Variants in SH3RF2 observed in about 807,000 individuals in gnomAD.
SH3RF2 encodes E3 ubiquitin-protein ligase SH3RF2.
A neutral mutation model predicts 59.0 loss-of-function variants in SH3RF2; 43 were observed. The ratio of observed to expected loss-of-function variants is 0.73; its 90% CI spans 0.57 to 0.94. The LOEUF (loss-of-function observed/expected upper bound fraction) is 0.94. Ranked by LOEUF, SH3RF2 falls within the 40% of genes least tolerant of loss-of-function variation. The probability of loss-of-function intolerance (pLI) is 0.00; values close to 1 mark genes in which losing one functional copy is unlikely to be tolerated. For synonymous variants in SH3RF2, 391 were observed against 391.5 expected, an observed-to-expected ratio of 1.00 and a Z score of 0.01; for missense variants, 930 against 940.1, an observed-to-expected ratio of 0.99 and a Z score of 0.14.
intron 9 of SH3RF2, among the ~76,000 whole-genome samples, chr5:146,074,856 G>T (rs931840892): frequency 6.6e-6 from 1 of 151,596 alleles, no homozygotes; most frequent in African/African-American, 2.4e-5. Flanking sequence ...CAAAGCCCAG[G>T]CTATAGATTT....
chr5:146,002,407 C>T (rs371609358), intron 3 of SH3RF2, among the ~76,000 whole-genome samples: 4 of 150,972 alleles, frequency 2.6e-5, no homozygotes, highest in Admixed American at 2.0e-4. Flanking sequence ...GCCAAGTTCG[C>T]GCCATTGCAC....
rs187561296 is a variant in SH3RF2 at position 145,994,151 on chromosome 5, T to G, written c.379-5907T>G. On this transcript the variant is annotated intron_variant, in intron 2 of 9. Transcript: ENST00000359120. The stretch of plus-strand genomic sequence containing the variant: ...TGCTGAAACATAACAAGAGTCACCT[T>G]TGCTCCAGTTCCCAACAAGTTTCTC... Among the ~76,000 whole-genome samples the G allele has an allele frequency of 1.6e-3, 243 of 152,310 alleles. 1 individual carries two copies. The highest frequency in any genetic ancestry group is 5.5e-3 in the African/African-American group (230 of 41,566).
intron 4 of SH3RF2, among the ~76,000 whole-genome samples, chr5:146,004,606 TGTG>T (rs1285701867): frequency 6.6e-6 from 1 of 152,116 alleles, no homozygotes; most frequent in Non-Finnish European, 1.5e-5. Flanking sequence ...TTTTTTAAAT[TGTG>T]GTGATGAAAA....
At chr5:145,979,263 G>T (rs193177963) in intron 2 of SH3RF2, among the ~76,000 whole-genome samples, 25 of 152,288 alleles carry the variant, frequency 1.6e-4, no homozygotes, top group Admixed American at 1.0e-3. Context: ...TTGGGGTAGG[G>T]CCCAGCAATT....
Position 145,938,100 on chromosome 5 carries a change from T to C in SH3RF2, c.172T>C (p.Ser58Pro). Residue 58 changes from serine (S) to proline (P), a missense_variant, in exon 2 of 10, where the codon TCC (serine) becomes CCC (proline). Coordinates refer to ENST00000359120, the MANE Select transcript of SH3RF2 (RefSeq NM_152550.4). Reference protein sequence around the residue: ...RCPECRTPVFSNIEALPANLL... With the variant: ...RCPECRTPVFPNIEALPANLL... ...CCCCGAATGCAGGACGCCTGTGTTT[T>C]CCAACATTGAGGCGCTGCCGGCCAA... 1 of 1,614,232 alleles carries C rather than the reference T, an allele frequency of 6.2e-7. No individual in the cohort carries two copies. Among genetic ancestry groups the C allele is most frequent in the Non-Finnish European group, 8.5e-7 (1 of 1,180,042 alleles).
intron 8 of SH3RF2, among the ~76,000 whole-genome samples, chr5:146,057,980 C>CTATATATATATATATATATATA (rs1196213101): frequency 1.4e-4 from 18 of 129,400 alleles, no homozygotes; most frequent in African/African-American, 5.1e-4. Flanking sequence ...ATCTATCTAT[C>CTATATATATATATATATATATA]TATCTATATA....
chr5:146,046,428 A>G (rs1017727990), intron 5 of SH3RF2, among the ~76,000 whole-genome samples: 1 of 151,242 alleles, frequency 6.6e-6, no homozygotes. Flanking sequence ...GCATAGTCCT[A>G]AAAAGGCACA....
chr5:145,940,262 C>T (rs905024013), intron 2 of SH3RF2, among the ~76,000 whole-genome samples: 1 of 152,216 alleles, frequency 6.6e-6, no homozygotes, highest in African/African-American at 2.4e-5. Context: ...GAGAGCAGAG[C>T]TGGCACCCCC....
downstream of SH3RF2, among the ~76,000 whole-genome samples, chr5:146,066,892 G>A (rs2150026842): frequency 6.6e-6 from 1 of 152,248 alleles, no homozygotes; most frequent in South Asian, 2.1e-4. Context: ...CCTTTGCCCC[G>A]TGGTCAGACT....
chr5:146,002,519 AG>A lies in SH3RF2; in HGVS notation c.649-1537del, dbSNP rs1414540122. On this transcript the variant is annotated intron_variant, in intron 3 of 9. Transcript: ENST00000359120. ...AAGGAAGGAAGGAAGGAAGGAAGGA[AG>A]GAAGGAAGGAAGGAAGGATAACCTA... Among the ~76,000 whole-genome samples the A allele has an allele frequency of 1.9e-3, 282 of 150,244 alleles. 5 individuals carry two copies. Among genetic ancestry groups the A allele is most frequent in the African/African-American group, 6.4e-3 (259 of 40,618 alleles).
At chr5:146,070,241 A>G (rs1428063976) in intron 9 of SH3RF2, among the ~76,000 whole-genome samples, 1 of 152,210 alleles carries the variant, frequency 6.6e-6, no homozygotes, top group Non-Finnish European at 1.5e-5. Context: ...CTCAATGGCA[A>G]CTATCAACGT....
At chr5:145,985,070 C>T (rs1248159077) in intron 2 of SH3RF2, among the ~76,000 whole-genome samples, 4 of 152,096 alleles carry the variant, frequency 2.6e-5, no homozygotes, top group Admixed American at 6.5e-5. Context: ...GTGGGAGGAT[C>T]GCTTGAGCCC....
At chr5:145,977,468 G>A (rs1759338395) in intron 2 of SH3RF2, among the ~76,000 whole-genome samples, 1 of 152,182 alleles carries the variant, frequency 6.6e-6, no homozygotes. Context: ...CCCAGCCAAG[G>A]AGATACTCTG....
chr5:146,076,547 A>G (rs1267111364), intron 9 of SH3RF2, among the ~76,000 whole-genome samples: 1 of 152,238 alleles, frequency 6.6e-6, no homozygotes, highest in East Asian at 1.9e-4. Context: ...ATTTATTGAC[A>G]TGGTGAGACG....
At chr5:145,989,945 T>G (rs1385711448) in intron 2 of SH3RF2, among the ~76,000 whole-genome samples, 1 of 152,236 alleles carries the variant, frequency 6.6e-6, no homozygotes, top group Non-Finnish European at 1.5e-5. Context: ...CGTCCTGCTG[T>G]TTCTGAATTT....
intron 2 of SH3RF2, among the ~76,000 whole-genome samples, chr5:145,945,757 A>G (rs1757985491): frequency 6.6e-6 from 1 of 152,184 alleles, no homozygotes; most frequent in Non-Finnish European, 1.5e-5. Context: ...AGGAAGACGC[A>G]TGTCAAGCAT....
chr5:146,048,993 C>G, intron 6 of SH3RF2, 82 bp from the exon 7 acceptor site: 1 of 1,518,732 alleles, frequency 6.6e-7, no homozygotes, highest in Non-Finnish European at 9.1e-7. Flanking sequence ...ACTGGGCAGT[C>G]TCTCTCCACC....
chr5:145,964,191 C>T (rs112897684), intron 2 of SH3RF2, among the ~76,000 whole-genome samples: 1 of 150,240 alleles, frequency 6.7e-6, no homozygotes, highest in African/African-American at 2.5e-5. Flanking sequence ...TTTCTTTCTT[C>T]TTTCTTTTCC....
intron 2 of SH3RF2, among the ~76,000 whole-genome samples, chr5:145,941,948 C>A (rs910563933): frequency 6.6e-6 from 1 of 152,200 alleles, no homozygotes; most frequent in Non-Finnish European, 1.5e-5. Flanking sequence ...ATTACACACA[C>A]CCTTTCAGCC....
Sources: gnomAD v4.1 joint callset for allele counts (sites outside exome capture counted in the v4.1 genomes callset) on GRCh38, gnomAD v4.1.1 for gene constraint, MANE v1.5 for transcripts, NCBI Gene and HGNC (gene_info 2026-07-23, HGNC 2026-07-21) for gene names.